The following ARL6IP6 variants were observed in gnomAD, a reference collection of about 807,000 sequenced individuals.
ARL6IP6 encodes the protein ADP-ribosylation factor-like protein 6-interacting protein 6.
ARL6IP6 carries 22 observed loss-of-function variants against 21.5 expected under a neutral mutation model. The ratio of observed to expected loss-of-function variants is 1.02; its 90% CI spans 0.73 to 1.46. ARL6IP6 has a LOEUF of 1.46. Among genes scored for constraint, ARL6IP6 ranks in the 40% most tolerant of loss-of-function variants. The pLI is 0.00. For synonymous variants in ARL6IP6, 164 were observed against 125.3 expected (o/e 1.31, Z -2.06); for missense variants, 388 against 299.8 (o/e 1.29, Z -2.17).
At chr2:152,732,145 G>GTA (rs974326664) in intron 2 of ARL6IP6, among the ~76,000 whole-genome samples, 6 of 151,268 alleles carry the variant, frequency 4.0e-5, no homozygotes, top group South Asian at 2.1e-4. Flanking sequence ...ATATACAAAG[G>GTA]TATATATATA....
intron 3 of ARL6IP6, among the ~76,000 whole-genome samples, chr2:152,752,273 T>C (rs911854608): frequency 6.6e-6 from 1 of 152,146 alleles, no homozygotes; most frequent in Non-Finnish European, 1.5e-5. Flanking sequence ...TGACCTGCAA[T>C]AATAAGAACC....
chr2:152,741,972 G>GT (rs1160690628), intron 3 of ARL6IP6, among the ~76,000 whole-genome samples: 3 of 152,170 alleles, frequency 2.0e-5, no homozygotes, highest in Non-Finnish European at 4.4e-5. Flanking sequence ...GGCAGAGGCA[G>GT]TAAGTTTAGA....
chr2:152,740,075 A>T (rs1259905009), intron 3 of ARL6IP6, among the ~76,000 whole-genome samples: 2 of 152,140 alleles, frequency 1.3e-5, no homozygotes, highest in Non-Finnish European at 2.9e-5. Context: ...CAGTCAAACC[A>T]TATCAATTAG....
chr2:152,720,857 G>A (rs1699756240), intron 2 of ARL6IP6, among the ~76,000 whole-genome samples: 1 of 152,158 alleles, frequency 6.6e-6, no homozygotes, highest in Non-Finnish European at 1.5e-5. Context: ...TTGGGAAGCT[G>A]AGGCAGTAGA....
intron 2 of ARL6IP6, among the ~76,000 whole-genome samples, chr2:152,723,540 A>G (rs780491228): frequency 6.6e-6 from 1 of 152,240 alleles, no homozygotes; most frequent in Non-Finnish European, 1.5e-5. Context: ...TAGAAAAAGC[A>G]ACGTGAGCAC....
intron 2 of ARL6IP6, among the ~76,000 whole-genome samples, chr2:152,725,793 T>A (rs1000289351): frequency 1.3e-5 from 2 of 152,330 alleles, no homozygotes; most frequent in African/African-American, 2.4e-5. Context: ...TCGTGCCCAT[T>A]TTTGGTGTAC....
Position 152,759,930 on chromosome 2 carries a change from AG to A in ARL6IP6, c.*91del. On this transcript the variant is annotated 3_prime_UTR_variant, in exon 4 of 4. Transcript: ENST00000326446. Reference sequence around the variant, plus strand: ...GCATCACTGTCTACTCAGAAGACTGAGAAACCTGCTGTTCATTATGTAGTTC... The same window carrying A: ...GCATCACTGTCTACTCAGAAGACTGAAAACCTGCTGTTCATTATGTAGTTC... 1 of 1,048,378 alleles carries A rather than the reference AG, an allele frequency of 9.5e-7. No homozygotes were observed. 64.9% of individuals were successfully genotyped at this position (1,048,378 alleles called of 1,614,324 possible). A position where few individuals can be genotyped will look rare whatever the true frequency, so the allele number is the denominator to read the frequency against.
chr2:152,740,870 A>T (rs922378550), intron 3 of ARL6IP6, among the ~76,000 whole-genome samples: 1 of 152,138 alleles, frequency 6.6e-6, no homozygotes, highest in African/African-American at 2.4e-5. Context: ...GTTGTTTTAT[A>T]GTCAAAACCC....
At chr2:152,757,857 A>G (rs1444293394) in intron 3 of ARL6IP6, among the ~76,000 whole-genome samples, 2 of 152,210 alleles carry the variant, frequency 1.3e-5, no homozygotes, top group Non-Finnish European at 2.9e-5. Context: ...TTAGTAAGGA[A>G]GTCACTGAAC....
intron 2 of ARL6IP6, among the ~76,000 whole-genome samples, chr2:152,725,601 T>C (rs977439796): frequency 1.3e-5 from 2 of 151,850 alleles, no homozygotes; most frequent in African/African-American, 4.8e-5. Flanking sequence ...AAATAAGCCA[T>C]GAAAGGCTTA....
chr2:152,720,217 T>C (rs1388034393), intron 1 of ARL6IP6: 1 of 380,676 alleles, frequency 2.6e-6, no homozygotes. Context: ...GCAGAAGACA[T>C]TGAACTGTGC....
rs1206897495 is a variant in ARL6IP6 at position 152,719,767 on chromosome 2, AAAAAAAAC to A, written c.400+748_401-754del. 8.8e-3 allele frequency: 2,887 copies of A among 326,264 alleles called. 75 individuals are homozygous for A. Among genetic ancestry groups the A allele is most frequent in the African/African-American group, 0.061 (2,621 of 43,242 alleles). The allele number at this position is 326,264 out of a possible 1,614,324, so 20.2% of individuals were successfully genotyped here. On this transcript the variant is annotated intron_variant, in intron 1 of 3. Transcript: ENST00000326446. ...AAGTTACTGAAAAAAAAAAAAAAAAAAAAAAAACAAAAGAACTTTGTTGTATGAAAAGC... is the reference window on the plus strand; with the variant it reads ...AAGTTACTGAAAAAAAAAAAAAAAAAAAAAGAACTTTGTTGTATGAAAAGC...
At chr2:152,718,002 A>G (rs913706413), upstream of ARL6IP6, 2 of 993,478 alleles carry the variant, frequency 2.0e-6, no homozygotes, top group Non-Finnish European at 2.4e-6. Flanking sequence ...CCAGGTGGAG[A>G]GCGCGCGCCT....
intron 2 of ARL6IP6, among the ~76,000 whole-genome samples, chr2:152,727,241 A>T (rs1312812763): frequency 6.6e-6 from 1 of 152,256 alleles, no homozygotes; most frequent in African/African-American, 2.4e-5. Flanking sequence ...TCAACAAAGA[A>T]GTTTAAAAAC....
intron 2 of ARL6IP6, among the ~76,000 whole-genome samples, chr2:152,728,488 A>T (rs1419402082): frequency 6.6e-6 from 1 of 152,192 alleles, no homozygotes; most frequent in African/African-American, 2.4e-5. Flanking sequence ...CCGTAAGCTA[A>T]AACTGTTAAA....
intron 3 of ARL6IP6, among the ~76,000 whole-genome samples, chr2:152,753,374 T>TA (rs1408105139): frequency 1.3e-5 from 2 of 152,182 alleles, no homozygotes; most frequent in African/African-American, 4.8e-5. Flanking sequence ...CCCACATACA[T>TA]ACGCTCAGAA....
At chr2:152,730,324 T>C (rs1001592236) in intron 2 of ARL6IP6, among the ~76,000 whole-genome samples, 2 of 152,204 alleles carry the variant, frequency 1.3e-5, no homozygotes, top group African/African-American at 4.8e-5. Flanking sequence ...GTGTCTTTCC[T>C]CACTTATCTA....
intron 2 of ARL6IP6, among the ~76,000 whole-genome samples, chr2:152,729,467 C>T (rs938289799): frequency 6.6e-6 from 1 of 152,114 alleles, no homozygotes; most frequent in African/African-American, 2.4e-5. Flanking sequence ...CCTTTGGTAG[C>T]AGTTATTCTG....
At position 152,760,864 on chromosome 2, in the gene ARL6IP6, TA is replaced by T. The variant is rs1258621226; in HGVS notation, c.*1025del. ...TTGATACTAGATATTAAAAACTACA[TA>T]TAGTTAATATAATTTTATAATTTTT... On this transcript the variant is annotated 3_prime_UTR_variant, in exon 4 of 4. Transcript: ENST00000326446. 6.6e-6 allele frequency: 1 copy of T among 152,062 alleles called. No homozygotes were observed. The highest frequency in any genetic ancestry group is 1.9e-4 in the East Asian group (1 of 5,194). The allele number at this position is 152,062 out of a possible 1,614,324, so 9.4% of individuals were successfully genotyped here.
Sources: allele counts gnomAD v4.1 joint callset (sites outside exome capture counted in the v4.1 genomes callset), GRCh38; gene constraint gnomAD v4.1.1; transcripts MANE v1.5; gene names NCBI Gene and HGNC (gene_info 2026-07-23, HGNC 2026-07-21).